ACTR3C: variants seen among roughly 807,000 people sequenced by gnomAD.
The protein encoded by ACTR3C is actin related protein 3C, also known as actin-related protein 3C.
Under a neutral mutation model 26.3 loss-of-function variants are expected in ACTR3C, and 18 were observed. The observed-to-expected ratio is 0.68, with a 90% CI of 0.47 to 1.01. The LOEUF (loss-of-function observed/expected upper bound fraction) is 1.01, where lower values mean the gene tolerates loss of function less well. ACTR3C is among the 50% of genes least tolerant of loss of function. The pLI is 0.00. For synonymous variants in ACTR3C, 55 were observed against 94.5 expected, an observed-to-expected ratio of 0.58 and a Z score of 2.42; for missense variants, 184 against 250.7, an observed-to-expected ratio of 0.73 and a Z score of 1.80.
intron 1 of ACTR3C, among the ~76,000 whole-genome samples, chr7:150,316,483 ATTTTTTTT>A (rs35767189): frequency 1.2e-5 from 1 of 80,536 alleles, no homozygotes; most frequent in South Asian, 4.5e-4. Context: ...GAATCTGGTT[ATTTTTTTT>A]TTTTTTTTTT....
the ACTR3C span, among the ~76,000 whole-genome samples, chr7:150,009,288 G>A: frequency 5.3e-5 from 8 of 152,322 alleles, no homozygotes; most frequent in Non-Finnish European, 7.3e-5. Flanking sequence ...ATTCCAATGA[G>A]GGACATAAGA....
chr7:150,268,097 A>C (rs1834182896), intron 6 of ACTR3C, among the ~76,000 whole-genome samples: 1 of 152,030 alleles, frequency 6.6e-6, no homozygotes, highest in Non-Finnish European at 1.5e-5. Flanking sequence ...TCGGGGACTT[A>C]AATGAGAAGA....
chr7:150,277,065 T>C (rs1834944173), intron 6 of ACTR3C, among the ~76,000 whole-genome samples: 1 of 152,196 alleles, frequency 6.6e-6, no homozygotes. Context: ...AAAACTGAGA[T>C]TTCCTCGAGA....
At chr7:149,903,752 A>G in the ACTR3C span, among the ~76,000 whole-genome samples, 2 of 149,900 alleles carry the variant, frequency 1.3e-5, no homozygotes, top group Non-Finnish European at 3.0e-5. Flanking sequence ...CTATGTTGCC[A>G]AGGCTGGTCT....
intron 1 of ACTR3C, among the ~76,000 whole-genome samples, chr7:150,313,744 AGGGAGAGAGG>A (rs1456371501): frequency 2.6e-5 from 4 of 152,172 alleles, no homozygotes; most frequent in Non-Finnish European, 5.9e-5. Context: ...AGCTAGAAAG[AGGGAGAGAGG>A]GGGAGAGAGA....
At chr7:150,070,498 T>C in the ACTR3C span, among the ~76,000 whole-genome samples, 4 of 152,244 alleles carry the variant, frequency 2.6e-5, no homozygotes, top group Admixed American at 6.5e-5. Context: ...TCACTCAGGC[T>C]GGAGTGCGGT....
the ACTR3C span, among the ~76,000 whole-genome samples, chr7:150,037,330 C>T: frequency 2.4e-4 from 13 of 53,580 alleles, no homozygotes; most frequent in South Asian, 5.4e-4. Flanking sequence ...GGGTCCTAAG[C>T]CGGGGGGGGA....
chr7:150,039,090 C>A, the ACTR3C span, among the ~76,000 whole-genome samples: 1 of 149,420 alleles, frequency 6.7e-6, no homozygotes, highest in African/African-American at 2.5e-5. Flanking sequence ...ACTACTAACA[C>A]CCACAGTCCT....
chr7:150,289,927 A>G (rs1333770399), intron 3 of ACTR3C, among the ~76,000 whole-genome samples: 3 of 152,204 alleles, frequency 2.0e-5, no homozygotes, highest in Non-Finnish European at 4.4e-5. Context: ...ACTAAACCCA[A>G]TAGGTTCTTT....
chr7:150,079,893 A>G, the ACTR3C span, among the ~76,000 whole-genome samples: 1 of 151,968 alleles, frequency 6.6e-6, no homozygotes, highest in Non-Finnish European at 1.5e-5. Flanking sequence ...GCACTTGCCC[A>G]TGTGTTACGT....
chr7:150,108,888 G>A, the ACTR3C span, among the ~76,000 whole-genome samples: 3 of 151,578 alleles, frequency 2.0e-5, no homozygotes, highest in African/African-American at 7.3e-5. Flanking sequence ...TGAGAGTAAG[G>A]TGCTGGAGAG....
the ACTR3C span, among the ~76,000 whole-genome samples, chr7:149,913,886 C>CTCATATGTCCTT: frequency 8.4e-5 from 10 of 118,950 alleles, no homozygotes; most frequent in African/African-American, 2.0e-4. Flanking sequence ...TCATATGTCC[C>CTCATATGTCCTT]TTTTTTTTTT....
the ACTR3C span, among the ~76,000 whole-genome samples, chr7:150,166,012 A>T: frequency 2.6e-5 from 4 of 151,722 alleles, no homozygotes; most frequent in Non-Finnish European, 5.9e-5. Flanking sequence ...TGAAACACAC[A>T]TGATTTTTAT....
At chr7:150,245,897 T>G (rs1832439685), downstream of ACTR3C, 2 of 152,216 alleles carry the variant, frequency 1.3e-5, no homozygotes, top group Non-Finnish European at 2.9e-5. Context: ...GAAGAATGGT[T>G]CAAGTTATTT....
the ACTR3C span, among the ~76,000 whole-genome samples, chr7:150,129,995 A>T: frequency 6.6e-6 from 1 of 152,190 alleles, no homozygotes; most frequent in African/African-American, 2.4e-5. Context: ...AGATCAATGG[A>T]ACAGAATAGA....
At chr7:150,012,493 T>A in the ACTR3C span, among the ~76,000 whole-genome samples, 1 of 151,014 alleles carries the variant, frequency 6.6e-6, no homozygotes, top group Non-Finnish European at 1.5e-5. Context: ...TTTTTTGTAT[T>A]TTTAGTAGAG....
chr7:150,132,219 C>T, the ACTR3C span, among the ~76,000 whole-genome samples: 29 of 152,112 alleles, frequency 1.9e-4, no homozygotes, highest in African/African-American at 4.3e-4. Flanking sequence ...ACAGGGTAGA[C>T]GGGGAATAAC....
chr7:149,944,985 C>T, the ACTR3C span, among the ~76,000 whole-genome samples: 133 of 151,884 alleles, frequency 8.8e-4, 1 homozygote, highest in African/African-American at 2.8e-3. Context: ...GGGTTGATCT[C>T]GTGGGCAGGT....
chr7:150,209,705 C>T, the ACTR3C span, among the ~76,000 whole-genome samples: 2 of 141,096 alleles, frequency 1.4e-5, no homozygotes, highest in Admixed American at 1.5e-4. Context: ...ATGGTGAAAC[C>T]CCACCTCTAC....
Sources: gnomAD v4.1 joint callset for allele counts (sites outside exome capture counted in the v4.1 genomes callset) on GRCh38, gnomAD v4.1.1 for gene constraint, MANE v1.5 for transcripts, NCBI Gene and HGNC (gene_info 2026-07-23, HGNC 2026-07-21) for gene names.